PLCB2: variants seen among roughly 807,000 people sequenced by gnomAD.
PLCB2 encodes phospholipase C beta 2.
A neutral mutation model predicts 141.7 loss-of-function variants in PLCB2; 115 were observed. That is an observed-to-expected ratio of 0.81 (90% CI 0.70 to 0.95). PLCB2 has a LOEUF of 0.95. Among genes scored for constraint, PLCB2 ranks in the 40% least tolerant of loss-of-function variants. PLCB2 has a pLI of 0.00. For missense variants in PLCB2, 1,403 were observed against 1,541.1 expected, an observed-to-expected ratio of 0.91 and a Z score of 1.50; for synonymous variants, 603 against 595.6, an observed-to-expected ratio of 1.01 and a Z score of -0.18.
chr15:40,294,484 C>T (rs2141081325), intron 18 of PLCB2, 64 bp from the exon 19 acceptor site: 1 of 1,556,628 alleles, frequency 6.4e-7, no homozygotes, highest in Middle Eastern at 1.7e-4. Flanking sequence ...GTCTCCATTT[C>T]CTCCATTCCC....
intron 29 of PLCB2, 101 bp downstream of exon 29, chr15:40,290,476 A>C: frequency 4.2e-4 from 341 of 809,172 alleles, no homozygotes; most frequent in Non-Finnish European, 5.7e-4. Flanking sequence ...GCCAGGGGAC[A>C]GATGCATCTT....
Position 40,291,368 on chromosome 15 carries a change from G to A in PLCB2, c.2767C>T (p.Leu923=), listed in dbSNP as rs1483106660. Residue 923 remains leucine (L), a synonymous_variant, in exon 26 of 32, where the codon CTG becomes TTG. Transcript: ENST00000260402. The stretch of plus-strand genomic sequence containing the variant: ...AGCTGCGCCGCGCCCCGCTGCAGCA[G>A]CTCCTCCCAGCGCCGCGCTCCGCGC... ...ERRGARRWEE[L]LQRGAAQLAE... 1 of 1,526,378 alleles carries A rather than the reference G, an allele frequency of 6.6e-7. No individual in the cohort carries two copies. Among genetic ancestry groups the A allele is most frequent in the South Asian group, 1.2e-5 (1 of 83,172 alleles). The allele number at this position is 1,526,378 out of a possible 1,614,324, so 94.6% of individuals were successfully genotyped here.
intron 1 of PLCB2, among the ~76,000 whole-genome samples, chr15:40,307,129 G>C (rs1282013126): frequency 6.6e-6 from 1 of 152,182 alleles, no homozygotes; most frequent in African/African-American, 2.4e-5. Flanking sequence ...GCAGCGCAGG[G>C]GAGAGCAAGG....
chr15:40,286,400 T>A (rs1281912020), downstream of PLCB2, among the ~76,000 whole-genome samples: 1 of 152,178 alleles, frequency 6.6e-6, no homozygotes, highest in Non-Finnish European at 1.5e-5. Context: ...ACCAGCCCCC[T>A]CACGCTGTCA....
At position 40,298,728 on chromosome 15, in the gene PLCB2, T is replaced by C. The variant is rs760079508; in HGVS notation, c.851-20A>G. ...GCTGGCCTGGGGGACAGGAGATAGC[T>C]GTCAGGCTACAACCCCGCTGCCAAG... On this transcript the variant is annotated intron_variant, in intron 9 of 31. Transcript: ENST00000260402. 6 of 1,613,356 alleles carry C rather than the reference T, an allele frequency of 3.7e-6. No homozygotes were observed. The highest frequency in any genetic ancestry group is 1.1e-5 in the South Asian group (1 of 91,072).
rs2040229424 is a variant in PLCB2 at position 40,296,570 on chromosome 15, C to T, written c.1551G>A (p.Glu517=). Residue 517 remains glutamate (E), a synonymous_variant, in exon 15 of 32, where the codon GAG becomes GAA. Coordinates refer to ENST00000260402, the MANE Select transcript of PLCB2 (RefSeq NM_004573.3). ...TCTCTTCTTCATCCAGGTTTCCTGA[C>T]TCCTCCTCCTCTTCCTCTTCCACCT... is the stretch of plus-strand genomic sequence containing the variant. The part of the protein sequence containing the change: ...EEEVEEEEEE[E]SGNLDEEEIK... 1 of 1,613,162 alleles carries T rather than the reference C, an allele frequency of 6.2e-7. No homozygotes were observed. The highest frequency in any genetic ancestry group is 8.5e-7 in the Non-Finnish European group (1 of 1,179,432).
downstream of PLCB2, chr15:40,285,752 C>T (rs994303391): frequency 1.3e-5 from 13 of 985,320 alleles, no homozygotes; most frequent in Admixed American, 6.1e-5. Flanking sequence ...AGGGTGTACC[C>T]CTGGAACCTG....
In PLCB2 at chr15:40,292,409, G is replaced by A; in HGVS notation, c.2361C>T (p.Asn787=). The part of the protein sequence containing the change: ...YHHLCLHSES[N]MPLTMPALFI... Reference sequence around the variant, plus strand: ...AGAGCGCAGGCATGGTGAGGGGCATGTTGCTCTCACTGTGCAGGCACAGGT... The same window carrying A: ...AGAGCGCAGGCATGGTGAGGGGCATATTGCTCTCACTGTGCAGGCACAGGT... The change falls in exon 22 of 32, where the codon AAC becomes AAT. Residue 787 remains asparagine (N), a synonymous_variant. Coordinates refer to ENST00000260402, the MANE Select transcript of PLCB2 (RefSeq NM_004573.3). 6.2e-7 allele frequency: 1 copy of A among 1,613,816 alleles called. No individual in the cohort carries two copies.
At chr15:40,296,268 C>T (rs1231962908) in intron 16 of PLCB2, 28 bp downstream of exon 16, 31 of 1,550,840 alleles carry the variant, frequency 2.0e-5, no homozygotes, top group African/African-American at 4.1e-5. Flanking sequence ...TCTTCTTACC[C>T]ACCCGTAAGT....
intron 3 of PLCB2, among the ~76,000 whole-genome samples, chr15:40,302,877 T>C (rs985953266): frequency 6.6e-6 from 1 of 152,218 alleles, no homozygotes; most frequent in African/African-American, 2.4e-5. Flanking sequence ...TTGCCACTTT[T>C]GTTTGAAGAT....
intron 21 of PLCB2, 97 bp from the exon 22 acceptor site, chr15:40,292,540 C>T: frequency 4.0e-6 from 3 of 746,658 alleles, no homozygotes; most frequent in Non-Finnish European, 6.6e-6. Flanking sequence ...TCTGGCACTG[C>T]ACCATCCTGG....
At position 40,293,445 on chromosome 15, in the gene PLCB2, G is replaced by A. The variant is rs550219054; in HGVS notation, c.2226+115C>T. 7 of 1,027,438 alleles carry A rather than the reference G, an allele frequency of 6.8e-6. No homozygotes were observed. In the East Asian group the frequency reaches 1.4e-4, roughly 21 times the overall value. 63.6% of individuals were successfully genotyped at this position (1,027,438 alleles called of 1,614,324 possible). ...CTTGAAACAGGAGGGCCCAGGGTGAGGGATGGGAAGAGGAGGAGGAGGAAG... is the reference window on the plus strand; with the variant it reads ...CTTGAAACAGGAGGGCCCAGGGTGAAGGATGGGAAGAGGAGGAGGAGGAAG... On this transcript the variant is annotated intron_variant, in intron 20 of 31. Transcript: ENST00000260402.
Position 40,291,640 on chromosome 15 carries a change from G to C in PLCB2, c.2613C>G (p.Ala871=), listed in dbSNP as rs767202250. The C allele has an allele frequency of 1.2e-6, 2 of 1,612,956 alleles. No individual in the cohort carries two copies. Among genetic ancestry groups the C allele is most frequent in the Admixed American group, 1.7e-5 (1 of 59,976 alleles). The change falls in exon 25 of 32, where the codon GCC becomes GCG. Residue 871 remains alanine, a synonymous_variant. Coordinates refer to ENST00000260402, the MANE Select transcript of PLCB2 (RefSeq NM_004573.3). ...PTSNGSPAAR[A]GAREEAMKEA... is the part of the protein sequence containing the mutation. The stretch of plus-strand genomic sequence containing the variant: ...CTTTCATAGCCTCTTCCCTGGCCCC[G>C]GCCCTGGCTGCTGCAAGAGCCACGG...
At chr15:40,292,570 T>C in intron 21 of PLCB2, 127 bp from the exon 22 acceptor site, 1 of 600,020 alleles carries the variant, frequency 1.7e-6, no homozygotes, top group Middle Eastern at 4.4e-4. Flanking sequence ...TTCAGCCAGG[T>C]TACTTTAACT....
rs753461920 is a variant in PLCB2 at position 40,298,656 on chromosome 15, G to A, written c.903C>T (p.Ser301=). 3.7e-6 allele frequency: 6 copies of A among 1,614,106 alleles called. No individual in the cohort carries two copies. The highest frequency in any genetic ancestry group is 1.1e-5 in the South Asian group (1 of 91,080). The change falls in exon 10 of 32, where the codon AGC becomes AGT. Residue 301 remains serine, a synonymous_variant. Transcript: ENST00000260402. ...GCAGCAGCTTGTCCTGGGCCAGCAC[G>A]CTGTTCTCTGGCCCACAGAGAAACC... ...MVWFLCGPEN[S]VLAQDKLLLH...
At position 40,291,246 on chromosome 15, in the gene PLCB2, G is replaced by C. The variant is rs780918357; in HGVS notation, c.2870+19C>G. The C allele has an allele frequency of 3.1e-5, 49 of 1,572,394 alleles. No homozygotes were observed. Among genetic ancestry groups the C allele is most frequent in the Non-Finnish European group, 3.9e-5 (45 of 1,167,700 alleles). On this transcript the variant is annotated intron_variant, in intron 26 of 31. Coordinates refer to ENST00000260402, the MANE Select transcript of PLCB2 (RefSeq NM_004573.3). ...CGCCACCCGCGCTGCAGAGGGCAGG[G>C]CACCGCCACGAGCCTTACCTCTTCT...
rs547224707 is a variant in PLCB2 at position 40,302,375 on chromosome 15, C to G, written c.373-26G>C. 5 of 1,613,240 alleles carry G rather than the reference C, an allele frequency of 3.1e-6. No individual in the cohort carries two copies. The South Asian group carries it at 5.5e-5, about 18-fold the overall frequency. On this transcript the variant is annotated intron_variant, in intron 4 of 31. Coordinates refer to ENST00000260402, the MANE Select transcript of PLCB2 (RefSeq NM_004573.3). ...CTGCAGGACCACAGAGAGCAGCGGT[C>G]AGGCTCCTGAGCACCCCCGCCCAGG... is the stretch of plus-strand genomic sequence containing the variant.
rs1355096391 is a variant in PLCB2 at position 40,288,720 on chromosome 15, GGCGGCTCTCCTGGGC to G, written c.3538_3552del (p.Ala1180_Arg1184del). 12 of 1,586,346 alleles carry G rather than the reference GGCGGCTCTCCTGGGC, an allele frequency of 7.6e-6. No homozygotes were observed. Among genetic ancestry groups the G allele is most frequent in the Non-Finnish European group, 1.0e-5 (12 of 1,159,790 alleles). ...GTCCCAGTGGGATGGGGGCATCAGA[GGCGGCTCTCCTGGGC>G]ATCTGCCTTTGCTATGAGTGGGTCC... On this transcript the variant is annotated inframe_deletion, in exon 32 of 32. Coordinates refer to ENST00000260402, the MANE Select transcript of PLCB2 (RefSeq NM_004573.3).
At position 40,301,512 on chromosome 15, in the gene PLCB2, C is replaced by A. The variant is rs976364236; in HGVS notation, c.582+445G>T. 4 of 702,740 alleles carry A rather than the reference C, an allele frequency of 5.7e-6. No homozygotes were observed. In the African/African-American group the frequency reaches 7.0e-5, roughly 12 times the overall value. The allele number at this position is 702,740 out of a possible 1,614,324, so 43.5% of individuals were successfully genotyped here. A position where few individuals can be genotyped will look rare whatever the true frequency, so the allele number is the denominator to read the frequency against. On this transcript the variant is annotated intron_variant, in intron 7 of 31. Transcript: ENST00000260402. ...GCAGAAGTCTGCATCTTGGCAGCTT[C>A]CGCCTTTGGTTCAGTTCCTCTCCCT...
Sources: gnomAD v4.1 joint callset for allele counts (sites outside exome capture counted in the v4.1 genomes callset) on GRCh38, gnomAD v4.1.1 for gene constraint, MANE v1.5 for transcripts, NCBI Gene and HGNC (gene_info 2026-07-23, HGNC 2026-07-21) for gene names.